Variants in GFRA1 observed in about 807,000 individuals in gnomAD.
The protein encoded by GFRA1 is GDNF family receptor alpha-1.
GFRA1 carries 16 observed loss-of-function variants against 51.6 expected under a neutral mutation model. The observed-to-expected ratio is 0.31, with a 90% CI of 0.21 to 0.47. GFRA1 has a LOEUF of 0.47. GFRA1 is among the 20% of genes least tolerant of loss of function. The pLI is 1.00. For missense variants in GFRA1, 530 were observed against 594.3 expected (o/e 0.89, Z 1.13); for synonymous variants, 270 against 241.3 (o/e 1.12, Z -1.10).
At chr10:116,269,835 C>T (rs557844888) in intron 3 of GFRA1, among the ~76,000 whole-genome samples, 3 of 152,248 alleles carry the variant, frequency 2.0e-5, no homozygotes, top group African/African-American at 7.2e-5. Flanking sequence ...TGCCAGAAAA[C>T]TCTCCCACTC....
At chr10:116,082,198 G>A (rs1774801643) in intron 9 of GFRA1, among the ~76,000 whole-genome samples, 1 of 152,158 alleles carries the variant, frequency 6.6e-6, no homozygotes, top group Non-Finnish European at 1.5e-5. Flanking sequence ...TCACCAGGCT[G>A]GACCAAGATC....
intron 6 of GFRA1, among the ~76,000 whole-genome samples, chr10:116,112,626 T>C (rs2694812): frequency 0.93 from 141,798 of 152,218 alleles, 66,578 homozygotes; most frequent in Non-Finnish European, 0.99. Flanking sequence ...CTGAATATGA[T>C]GGTGAAATCC....
intron 4 of GFRA1, chr10:116,255,484 A>G: frequency 9.4e-6 from 7 of 745,760 alleles, no homozygotes; most frequent in Non-Finnish European, 1.3e-5. Context: ...AACATTCTTG[A>G]GAATCATCAG....
chr10:116,117,970 C>T (rs1192575995), intron 6 of GFRA1, among the ~76,000 whole-genome samples: 1 of 152,132 alleles, frequency 6.6e-6, no homozygotes, highest in African/African-American at 2.4e-5. Context: ...CCTCTTCAGA[C>T]ACCTCCACCA....
intron 5 of GFRA1, among the ~76,000 whole-genome samples, chr10:116,145,007 G>C (rs1209979504): frequency 2.0e-5 from 3 of 151,594 alleles, no homozygotes; most frequent in Non-Finnish European, 4.4e-5. Flanking sequence ...AAATTAGCCA[G>C]GCATGGTGGT....
At chr10:116,068,571 T>A (rs1315843179) in intron 9 of GFRA1, among the ~76,000 whole-genome samples, 3 of 152,184 alleles carry the variant, frequency 2.0e-5, no homozygotes, top group African/African-American at 7.2e-5. Context: ...ACCTGTGAAC[T>A]TCTGGCTAGT....
At chr10:116,173,343 T>C (rs548035289) in intron 5 of GFRA1, among the ~76,000 whole-genome samples, 5 of 152,062 alleles carry the variant, frequency 3.3e-5, no homozygotes, top group East Asian at 1.9e-4. Flanking sequence ...GCTGTGTTGA[T>C]TGGAGGGTTG....
rs752717349 is a variant in GFRA1, at chr10:116,125,535, G to A, written c.456C>T (p.Asn152=). The change falls in exon 6 of 11, where the codon AAC becomes AAT. Residue 152 remains asparagine, a synonymous_variant. Transcript: ENST00000355422. The stretch of plus-strand genomic sequence containing the variant: ...AGGCCTTCGCTGCATCCAGGCAGTT[G>A]TTCCCTTTGGGAATGTGCTCCACTG... The part of the protein sequence containing the change: ...FQQVEHIPKG[N]NCLDAAKACN... 1.2e-6 allele frequency: 2 copies of A among 1,613,812 alleles called. No homozygotes were observed. Among genetic ancestry groups the A allele is most frequent in the Middle Eastern group, 1.7e-4 (1 of 6,030 alleles).
chr10:116,132,943 T>C (rs1323815959), intron 5 of GFRA1, among the ~76,000 whole-genome samples: 3 of 152,262 alleles, frequency 2.0e-5, no homozygotes, highest in Admixed American at 1.3e-4. Context: ...GGAAGGCTTC[T>C]GAACAGCTTT....
intron 5 of GFRA1, among the ~76,000 whole-genome samples, chr10:116,150,745 T>G (rs531303721): frequency 8.5e-5 from 13 of 152,212 alleles, no homozygotes; most frequent in African/African-American, 2.6e-4. Context: ...TGCTGAAAAA[T>G]GCCAAATCCT....
chr10:116,157,479 A>T (rs1442802876), intron 5 of GFRA1, among the ~76,000 whole-genome samples: 1 of 152,204 alleles, frequency 6.6e-6, no homozygotes, highest in African/African-American at 2.4e-5. Context: ...ATGCCCATGA[A>T]TCTGTGCCTT....
At chr10:116,129,542 T>A (rs1053462890) in intron 5 of GFRA1, among the ~76,000 whole-genome samples, 3 of 152,166 alleles carry the variant, frequency 2.0e-5, no homozygotes, top group Non-Finnish European at 2.9e-5. Context: ...ACAGAGCAGC[T>A]ATGAAAAACC....
At chr10:116,176,464 G>T (rs1961607418) in intron 5 of GFRA1, among the ~76,000 whole-genome samples, 1 of 152,058 alleles carries the variant, frequency 6.6e-6, no homozygotes, top group African/African-American at 2.4e-5. Context: ...CGGGAGATCT[G>T]GTTGTTTAAG....
intron 5 of GFRA1, among the ~76,000 whole-genome samples, chr10:116,211,196 C>T (rs1425700447): frequency 1.3e-5 from 2 of 152,248 alleles, no homozygotes; most frequent in African/African-American, 4.8e-5. Flanking sequence ...ACCTCTACAA[C>T]AGTGGCATGT....
At chr10:116,211,966 A>G (rs1025373240) in intron 4 of GFRA1, among the ~76,000 whole-genome samples, 1 of 152,214 alleles carries the variant, frequency 6.6e-6, no homozygotes, top group Non-Finnish European at 1.5e-5. Flanking sequence ...CCCAGTACAT[A>G]GTAAACATAG....
chr10:116,158,249 AGAATCACCCCAG>A (rs905380963), intron 5 of GFRA1, among the ~76,000 whole-genome samples: 10 of 152,236 alleles, frequency 6.6e-5, no homozygotes, highest in Non-Finnish European at 1.5e-4. Flanking sequence ...ATTTAGCGAG[AGAATCACCCCAG>A]GATTGAAGGT....
At chr10:116,149,165 T>C (rs1425345793) in intron 5 of GFRA1, among the ~76,000 whole-genome samples, 1 of 152,166 alleles carries the variant, frequency 6.6e-6, no homozygotes, top group Admixed American at 6.5e-5. Flanking sequence ...TTATTGAGGA[T>C]CTCAACATGC....
intron 5 of GFRA1, among the ~76,000 whole-genome samples, chr10:116,186,542 T>C (rs2134299269): frequency 1.3e-5 from 2 of 148,298 alleles, no homozygotes; most frequent in East Asian, 4.0e-4. Flanking sequence ...GGTCTCTCTT[T>C]ATCTGCATAA....
At chr10:116,155,563 T>G (rs568179571) in intron 5 of GFRA1, among the ~76,000 whole-genome samples, 1 of 152,340 alleles carries the variant, frequency 6.6e-6, no homozygotes, top group South Asian at 2.1e-4. Flanking sequence ...AAAAGATGAT[T>G]GTACATATCA....
Sources: gnomAD v4.1 joint callset for allele counts (sites outside exome capture counted in the v4.1 genomes callset) on GRCh38, gnomAD v4.1.1 for gene constraint, MANE v1.5 for transcripts, NCBI Gene and HGNC (gene_info 2026-07-23, HGNC 2026-07-21) for gene names.